BMPR1A: variants seen among roughly 807,000 people sequenced by gnomAD.
The protein encoded by BMPR1A is bone morphogenetic protein receptor type-1A.
Under a neutral mutation model 66.0 loss-of-function variants are expected in BMPR1A, and 7 were observed. The observed-to-expected ratio is 0.11, with a 90% CI of 0.06 to 0.20. The LOEUF is 0.20. Among genes scored for constraint, BMPR1A ranks in the 10% least tolerant of loss-of-function variants. The pLI, the probability that BMPR1A is intolerant of heterozygous loss-of-function variation, is 1.00. For missense variants in BMPR1A, 408 were observed against 669.1 expected (o/e 0.61, Z 4.31); for synonymous variants, 200 against 229.7 (o/e 0.87, Z 1.17).
At position 86,925,949 on chromosome 10, in the gene BMPR1A, A is replaced by G. The variant is rs369572637; in HGVS notation, c.*2230A>G. 4.6e-3 allele frequency: 772 copies of G among 166,910 alleles called. 5 individuals carry two copies. Among genetic ancestry groups the G allele is most frequent in the African/African-American group, 0.017 (720 of 41,828 alleles). The allele number at this position is 166,910 out of a possible 1,614,324, so 10.3% of individuals were successfully genotyped here. A position where few individuals can be genotyped will look rare whatever the true frequency, so the allele number is the denominator to read the frequency against. On this transcript the variant is annotated 3_prime_UTR_variant, in exon 13 of 13. Coordinates refer to ENST00000372037, the MANE Select transcript of BMPR1A (RefSeq NM_004329.3). ...TCACCTTGTTAGCCAGGATGGTCTCAATCTCCTGACCTCATGATCCACCTG... is the reference window on the plus strand; with the variant it reads ...TCACCTTGTTAGCCAGGATGGTCTCGATCTCCTGACCTCATGATCCACCTG...
intron 2 of BMPR1A, chr10:86,855,703 C>A: frequency 1.3e-6 from 1 of 751,600 alleles, no homozygotes; most frequent in South Asian, 1.7e-5. Context: ...CCACTACTGT[C>A]TGTTCTTTGT....
chr10:86,797,037 T>C (rs1274344151), intron 1 of BMPR1A, among the ~76,000 whole-genome samples: 1 of 151,016 alleles, frequency 6.6e-6, no homozygotes, highest in Admixed American at 6.6e-5. Flanking sequence ...CAGTTTATAC[T>C]CTTATTTTTC....
intron 5 of BMPR1A, among the ~76,000 whole-genome samples, chr10:86,894,465 A>T (rs1795525370): frequency 6.6e-6 from 1 of 152,220 alleles, no homozygotes; most frequent in Non-Finnish European, 1.5e-5. Context: ...TTGCGTATTT[A>T]TCAAGCACAC....
At chr10:86,892,253 G>T in intron 5 of BMPR1A, 24 bp downstream of exon 5, 1 of 1,588,478 alleles carries the variant, frequency 6.3e-7, no homozygotes, top group Non-Finnish European at 8.6e-7. Context: ...TGGGACCCAT[G>T]AGACAAAGAA....
chr10:86,845,277 C>T (rs1199611275), intron 2 of BMPR1A, among the ~76,000 whole-genome samples: 3 of 152,170 alleles, frequency 2.0e-5, no homozygotes, highest in African/African-American at 7.2e-5. Flanking sequence ...TGATCCAGTT[C>T]CCCCTGCGGG....
intron 1 of BMPR1A, among the ~76,000 whole-genome samples, chr10:86,785,604 G>C (rs1050376790): frequency 1.2e-4 from 18 of 152,130 alleles, no homozygotes; most frequent in African/African-American, 4.3e-4. Context: ...GCCCGGCCGG[G>C]TATAGTGTTC....
At chr10:86,922,506 G>T (rs746301212) in intron 11 of BMPR1A, among the ~76,000 whole-genome samples, 11 of 152,208 alleles carry the variant, frequency 7.2e-5, no homozygotes, top group Non-Finnish European at 1.2e-4. Flanking sequence ...GATTTCACTT[G>T]AAGGACCACA....
Position 86,790,185 on chromosome 10 carries a change from A to T in BMPR1A, c.-268+33266A>T, listed in dbSNP as rs1226970833. ...TCCAAAAAAAAAAAAAAAAAAAAAA[A>T]AAAATATATATATATATATATATAT... On this transcript the variant is annotated intron_variant, in intron 1 of 12. Coordinates refer to ENST00000372037, the MANE Select transcript of BMPR1A (RefSeq NM_004329.3). Among the ~76,000 whole-genome samples, 11 of 34,010 alleles carry T rather than the reference A, an allele frequency of 3.2e-4. 1 individual carries two copies. Among genetic ancestry groups the T allele is most frequent in the African/African-American group, 2.6e-3 (11 of 4,218 alleles). The allele number at this position is 34,010 out of a possible 152,430, so 22.3% of individuals were successfully genotyped here.
chr10:86,760,249 T>C (rs9943401), intron 1 of BMPR1A, among the ~76,000 whole-genome samples: 12 of 50,582 alleles, frequency 2.4e-4, no homozygotes, highest in African/African-American at 7.9e-4. Context: ...TCTTTCTTTC[T>C]TTTTTTTTTT....
intron 1 of BMPR1A, among the ~76,000 whole-genome samples, chr10:86,833,003 G>T (rs566755123): frequency 6.6e-6 from 1 of 152,110 alleles, no homozygotes; most frequent in Non-Finnish European, 1.5e-5. Flanking sequence ...CCAGTGACTC[G>T]GGAGACTGAG....
chr10:86,899,398 G>A (rs747601783), intron 5 of BMPR1A, among the ~76,000 whole-genome samples: 17 of 152,214 alleles, frequency 1.1e-4, no homozygotes, highest in Non-Finnish European at 2.1e-4. Context: ...GGTCTGCAGC[G>A]CCTCTGCACG....
intron 2 of BMPR1A, chr10:86,843,456 G>A (rs973354065): frequency 2.0e-5 from 3 of 152,164 alleles, no homozygotes; most frequent in Non-Finnish European, 4.4e-5. Context: ...AGTCACAAAG[G>A]AGGAATCAGA....
rs138513088 is a variant in BMPR1A, at chr10:86,900,802, T to C, written c.530+676T>C. ...AGATAATAGACTTGGAATCTTCTGT[T>C]AGGGAGGTGATGCGAAAGTCATATG... On this transcript the variant is annotated intron_variant, in intron 7 of 12. Coordinates refer to ENST00000372037, the MANE Select transcript of BMPR1A (RefSeq NM_004329.3). 2.6e-3 allele frequency among the ~76,000 whole-genome samples: 395 copies of C among 152,262 alleles called. 4 individuals are homozygous for C. The highest frequency in any genetic ancestry group is 9.1e-3 in the African/African-American group (380 of 41,540).
intron 1 of BMPR1A, among the ~76,000 whole-genome samples, chr10:86,838,349 C>A (rs1842380013): frequency 6.6e-6 from 1 of 152,272 alleles, no homozygotes; most frequent in South Asian, 2.1e-4. Context: ...TAGACCTATT[C>A]CACAGGCATA....
intron 1 of BMPR1A, among the ~76,000 whole-genome samples, chr10:86,830,487 C>G (rs1015215483): frequency 2.0e-5 from 3 of 152,184 alleles, no homozygotes; most frequent in African/African-American, 7.2e-5. Flanking sequence ...TCTTCACATT[C>G]GTGTCCACAT....
chr10:86,805,166 T>C (rs1589724603), intron 1 of BMPR1A, among the ~76,000 whole-genome samples: 1 of 152,182 alleles, frequency 6.6e-6, no homozygotes, highest in Admixed American at 6.5e-5. Context: ...AAAGACCCTA[T>C]TTACAAATTT....
intron 1 of BMPR1A, among the ~76,000 whole-genome samples, chr10:86,765,533 C>G (rs966936862): frequency 1.3e-5 from 2 of 151,716 alleles, no homozygotes; most frequent in African/African-American, 4.8e-5. Context: ...CTATGAAGCC[C>G]TCCTCAGTGG....
chr10:86,842,279 A>G (rs1378789961), intron 2 of BMPR1A, among the ~76,000 whole-genome samples: 2 of 152,174 alleles, frequency 1.3e-5, no homozygotes. Context: ...ACCCTCACAC[A>G]TTTGGTAAGA....
At chr10:86,816,550 C>G (rs935989044) in intron 1 of BMPR1A, among the ~76,000 whole-genome samples, 18 of 152,136 alleles carry the variant, frequency 1.2e-4, no homozygotes, top group African/African-American at 4.1e-4. Flanking sequence ...GGGGATTAAG[C>G]GAAAGTCGAC....
Sources: gnomAD v4.1 joint callset for allele counts (sites outside exome capture counted in the v4.1 genomes callset) on GRCh38, gnomAD v4.1.1 for gene constraint, MANE v1.5 for transcripts, NCBI Gene and HGNC (gene_info 2026-07-23, HGNC 2026-07-21) for gene names.